SP1: variants seen among roughly 807,000 people sequenced by gnomAD.
SP1 encodes the protein transcription factor Sp1.
Under a neutral mutation model 66.3 loss-of-function variants are expected in SP1, and 6 were observed. The observed-to-expected ratio is 0.09, with a 90% confidence interval of 0.05 to 0.18. The LOEUF (loss-of-function observed/expected upper bound fraction) is 0.18, where lower values mean the gene tolerates loss of function less well. Among genes scored for constraint, SP1 ranks in the 10% least tolerant of loss-of-function variants. The pLI, the probability that SP1 is intolerant of heterozygous loss-of-function variation, is 1.00. For synonymous variants in SP1, 417 were observed against 360.8 expected (o/e 1.16, Z -1.77); for missense variants, 848 against 964.5 (o/e 0.88, Z 1.60).
rs1189091792 is a variant in SP1 at position 53,381,040 on chromosome 12, CT to C, written c.8-618del. Among the ~76,000 whole-genome samples the C allele has an allele frequency of 9.4e-5, 14 of 149,420 alleles. No homozygotes were observed. In the East Asian group the frequency reaches 1.4e-3, roughly 15 times the overall value. On this transcript the variant is annotated intron_variant, in intron 1 of 5. Coordinates refer to ENST00000327443, the MANE Select transcript of SP1 (RefSeq NM_138473.3). Reference sequence around the variant, plus strand: ...GATCTCGGCTCACTGCAACCTCTGCCTCCCGGATTCAGGCGATTCTCCTGCC... The same window carrying C: ...GATCTCGGCTCACTGCAACCTCTGCCCCCGGATTCAGGCGATTCTCCTGCC...
intron 3 of SP1, among the ~76,000 whole-genome samples, chr12:53,405,942 T>A (rs1261372292): frequency 6.6e-6 from 1 of 151,700 alleles, no homozygotes; most frequent in Non-Finnish European, 1.5e-5. Flanking sequence ...ATGGCACATG[T>A]ATACATATGT....
rs764902690 is a variant in SP1 at position 53,411,550 on chromosome 12, A to C, written c.*310A>C. The C allele has an allele frequency of 4.4e-6, 1 of 229,164 alleles. No individual in the cohort carries two copies. Among genetic ancestry groups the C allele is most frequent in the Admixed American group, 5.6e-5 (1 of 17,784 alleles). The allele number at this position is 229,164 out of a possible 1,614,324, so 14.2% of individuals were successfully genotyped here. On this transcript the variant is annotated 3_prime_UTR_variant, in exon 6 of 6. Coordinates refer to ENST00000327443, the MANE Select transcript of SP1 (RefSeq NM_138473.3). The stretch of plus-strand genomic sequence containing the variant: ...CTACCCTTCCTGCATTTCTCTTCTC[A>C]GCTCTTCCATGATGGATTCCCCCCC...
intron 3 of SP1, among the ~76,000 whole-genome samples, chr12:53,388,950 A>G (rs1938287782): frequency 6.6e-6 from 1 of 150,972 alleles, no homozygotes; most frequent in Non-Finnish European, 1.5e-5. Flanking sequence ...ACAGCACTCC[A>G]GCCTGGGCAG....
At position 53,413,813 on chromosome 12, in the gene SP1, G is replaced by C. The variant is rs1279322303; in HGVS notation, c.*2573G>C. On this transcript the variant is annotated 3_prime_UTR_variant, in exon 6 of 6. Transcript: ENST00000327443. ...TATAAAATAATGTAATGATGCTGAG[G>C]ATATAAGCTTTTAGAAGGTAATTTG... The C allele has an allele frequency of 6.6e-6, 1 of 152,224 alleles. No homozygotes were observed. The highest frequency in any genetic ancestry group is 1.5e-5 in the Non-Finnish European group (1 of 68,034). 9.4% of individuals were successfully genotyped at this position (152,224 alleles called of 1,614,324 possible). A position where few individuals can be genotyped will look rare whatever the true frequency, so the allele number is the denominator to read the frequency against.
At chr12:53,408,576 G>A (rs1410302021) in intron 4 of SP1, among the ~76,000 whole-genome samples, 2 of 151,106 alleles carry the variant, frequency 1.3e-5, no homozygotes, top group South Asian at 2.1e-4. Flanking sequence ...GATTACAGGC[G>A]TGAGCCATCA....
In SP1 at chr12:53,411,518, C is replaced by G. The variant is rs145333898; in HGVS notation, c.*278C>G. On this transcript the variant is annotated 3_prime_UTR_variant, in exon 6 of 6. Transcript: ENST00000327443. Reference sequence around the variant, plus strand: ...CCCCAGTTTCTTCTTACACTTCTTACCCCAGCCTACCCTTCCTGCATTTCT... The same window carrying G: ...CCCCAGTTTCTTCTTACACTTCTTAGCCCAGCCTACCCTTCCTGCATTTCT... The G allele has an allele frequency of 4.4e-5, 14 of 318,888 alleles. No individual in the cohort carries two copies. The East Asian group carries it at 7.9e-4, about 18-fold the overall frequency. The allele number at this position is 318,888 out of a possible 1,614,324, so 19.8% of individuals were successfully genotyped here.
intron 2 of SP1, 46 bp from the exon 3 acceptor site, chr12:53,382,064 C>G (rs558238997): frequency 5.1e-6 from 8 of 1,571,250 alleles, no homozygotes; most frequent in Non-Finnish European, 7.0e-6. Context: ...CCTAGGCTGG[C>G]AGCTGGGTGT....
chr12:53,410,882 C>G, intron 5 of SP1, 45 bp from the exon 6 acceptor site: 1 of 1,441,270 alleles, frequency 6.9e-7, no homozygotes, highest in South Asian at 1.2e-5. Flanking sequence ...AAGGTAACCT[C>G]ACTTCCTAAC....
intron 3 of SP1, among the ~76,000 whole-genome samples, chr12:53,402,390 A>C (rs1210442764): frequency 1.3e-5 from 2 of 151,794 alleles, no homozygotes; most frequent in Non-Finnish European, 2.9e-5. Flanking sequence ...TGCCCGGCTA[A>C]TTTTTGTATT....
chr12:53,400,818 G>A (rs1938593889), intron 3 of SP1, among the ~76,000 whole-genome samples: 1 of 142,044 alleles, frequency 7.0e-6, no homozygotes, highest in Non-Finnish European at 1.5e-5. Flanking sequence ...CTGCAGTGAA[G>A]TGGCACAATC....
chr12:53,405,071 ACTC>A (rs1243233667), intron 3 of SP1, among the ~76,000 whole-genome samples: 3 of 150,998 alleles, frequency 2.0e-5, no homozygotes, highest in African/African-American at 7.3e-5. Flanking sequence ...CTGGTATTGA[ACTC>A]CTGACCTCAA....
intron 3 of SP1, among the ~76,000 whole-genome samples, chr12:53,395,462 GTTATAC>G (rs1376196827): frequency 2.0e-5 from 3 of 152,130 alleles, no homozygotes; most frequent in Non-Finnish European, 1.5e-5. Flanking sequence ...AAGAAATTCA[GTTATAC>G]TTATGATTTA....
chr12:53,388,825 T>G (rs1376095648), intron 3 of SP1, among the ~76,000 whole-genome samples: 1 of 151,632 alleles, frequency 6.6e-6, no homozygotes, highest in Non-Finnish European at 1.5e-5. Context: ...ACAAAAAATA[T>G]GAAAATTACC....
chr12:53,388,140 A>G (rs1367259284), intron 3 of SP1, among the ~76,000 whole-genome samples: 1 of 152,156 alleles, frequency 6.6e-6, no homozygotes, highest in African/African-American at 2.4e-5. Context: ...GACCTCTACA[A>G]CGTAGAAAAT....
chr12:53,388,320 G>A (rs979456922), intron 3 of SP1, among the ~76,000 whole-genome samples: 34 of 152,166 alleles, frequency 2.2e-4, no homozygotes, highest in Admixed American at 5.2e-4. Context: ...GAACAGTTAT[G>A]AGGCATTCTC....
Position 53,382,898 on chromosome 12 carries a change from C to T in SP1, c.951C>T (p.Ser317=). ...SASLVSSQAS[S]SSFFTNANSY... Reference sequence around the variant, plus strand: ...GCTTGGTATCATCACAAGCCAGTTCCAGCTCCTTTTTCACCAATGCCAATA... The same window carrying T: ...GCTTGGTATCATCACAAGCCAGTTCTAGCTCCTTTTTCACCAATGCCAATA... Residue 317 remains serine (S), a synonymous_variant, in exon 3 of 6, where the codon TCC becomes TCT. Transcript: ENST00000327443. The T allele has an allele frequency of 1.2e-6, 2 of 1,614,196 alleles. No individual in the cohort carries two copies. Among genetic ancestry groups the T allele is most frequent in the African/African-American group, 1.3e-5 (1 of 75,048 alleles).
rs542945712 is a variant in SP1 at position 53,415,098 on chromosome 12, T to A, written c.*3858T>A. 2 of 152,620 alleles carry A rather than the reference T, an allele frequency of 1.3e-5. No individual in the cohort carries two copies. The highest frequency in any genetic ancestry group is 2.9e-5 in the Non-Finnish European group (2 of 68,034). 9.5% of individuals were successfully genotyped at this position (152,620 alleles called of 1,614,324 possible). A position where few individuals can be genotyped will look rare whatever the true frequency, so the allele number is the denominator to read the frequency against. ...TGAAAGAAAGGTCGCAGCAGTAGCT[T>A]TGGGGAAAGGGAGGAAGATATGGCA... is the stretch of plus-strand genomic sequence containing the variant. On this transcript the variant is annotated 3_prime_UTR_variant, in exon 6 of 6. Transcript: ENST00000327443.
At chr12:53,397,870 T>G (rs1938525442) in intron 3 of SP1, among the ~76,000 whole-genome samples, 1 of 152,268 alleles carries the variant, frequency 6.6e-6, no homozygotes, top group Non-Finnish European at 1.5e-5. Context: ...AATCTTTTAC[T>G]TGTATCCTAG....
intron 3 of SP1, among the ~76,000 whole-genome samples, chr12:53,387,597 CACTT>C (rs1365901943): frequency 2.6e-5 from 4 of 152,288 alleles, no homozygotes; most frequent in East Asian, 3.9e-4. Flanking sequence ...TACAGAGAAT[CACTT>C]AATGAGACAA....
Sources: allele counts gnomAD v4.1 joint callset (sites outside exome capture counted in the v4.1 genomes callset), GRCh38; gene constraint gnomAD v4.1.1; transcripts MANE v1.5; gene names NCBI Gene and HGNC (gene_info 2026-07-23, HGNC 2026-07-21).